Variants in SETD1B observed in about 807,000 individuals in gnomAD.
The protein encoded by SETD1B is SET domain containing 1B, histone lysine methyltransferase.
A neutral mutation model predicts 148.0 loss-of-function variants in SETD1B; 7 were observed. The ratio of observed to expected loss-of-function variants is 0.05; its 90% CI spans 0.03 to 0.09. The LOEUF is 0.09. SETD1B is among the 10% of genes least tolerant of loss of function. SETD1B has a pLI of 1.00. For missense variants in SETD1B, 2,155 were observed against 2,729.9 expected (o/e 0.79, Z 4.69); for synonymous variants, 1,361 against 1,186.5 (o/e 1.15, Z -3.02).
At position 121,810,466 on chromosome 12, in the gene SETD1B, G is replaced by A; in HGVS notation, c.1521G>A (p.Leu507=). 1 of 1,548,510 alleles carries A rather than the reference G, an allele frequency of 6.5e-7. No homozygotes were observed. The highest frequency in any genetic ancestry group is 8.7e-7 in the Non-Finnish European group (1 of 1,147,150). Residue 507 remains leucine, a synonymous_variant, in exon 6 of 17, where the codon CTG becomes CTA. Transcript: ENST00000604567. This position sits in a 1 kb window ranked among gnomAD's most constrained non-coding sequence, Gnocchi z 7.6. Reference sequence around the variant, plus strand: ...TGGACTCGCGCATCGAGATGCTGCTGAAGGAGCAGCGCACCAAGCTGCTCT... The same window carrying A: ...TGGACTCGCGCATCGAGATGCTGCTAAAGGAGCAGCGCACCAAGCTGCTCT... ...DSLDSRIEML[L]KEQRTKLLFL... is the part of the protein sequence containing the mutation.
upstream of SETD1B, chr12:121,799,533 A>C (rs865844152): frequency 6.6e-6 from 1 of 152,274 alleles, no homozygotes; most frequent in Middle Eastern, 3.1e-3. Context: ...TTTCAGAAGT[A>C]GGCGGCACCC....
upstream of SETD1B, chr12:121,799,464 C>CG: frequency 6.6e-6 from 1 of 152,344 alleles, no homozygotes; most frequent in Non-Finnish European, 1.5e-5. Flanking sequence ...ACATGCCCCA[C>CG]GGGGGCGGCT....
chr12:121,827,670 A>G lies in SETD1B; in HGVS notation c.5469+20A>G, dbSNP rs1381367610. ...CTCAAGGTGAGGCCGGGCTTCACCC[A>G]GATCGCCGGGGTGGCGGCAGGACCT... On this transcript the variant is annotated intron_variant, in intron 14 of 16. Transcript: ENST00000604567. 13 of 1,551,460 alleles carry G rather than the reference A, an allele frequency of 8.4e-6. No homozygotes were observed. The Admixed American group carries it at 2.5e-4, about 30-fold the overall frequency.
chr12:121,796,258 A>C, the SETD1B span: 1 of 152,684 alleles, frequency 6.5e-6, no homozygotes, highest in Non-Finnish European at 1.5e-5. Flanking sequence ...GAGTTTGAGA[A>C]AGCAAGAAAG....
rs886160677 is a variant in SETD1B at position 121,808,403 on chromosome 12, T to C, written c.657+83T>C. The C allele has an allele frequency of 1.7e-5, 15 of 881,296 alleles. No individual in the cohort carries two copies. The highest frequency in any genetic ancestry group is 2.5e-5 in the Non-Finnish European group (14 of 561,178). 54.6% of individuals were successfully genotyped at this position (881,296 alleles called of 1,614,324 possible). On this transcript the variant is annotated intron_variant, in intron 5 of 16. Transcript: ENST00000604567. This position sits in a 1 kb window ranked among gnomAD's most constrained non-coding sequence, Gnocchi z 5.3. Reference sequence around the variant, plus strand: ...CTGGAAAGCCTCACCAACTCTCTTATGGGACCCCCAGCCTACCCCCACCTC... The same window carrying C: ...CTGGAAAGCCTCACCAACTCTCTTACGGGACCCCCAGCCTACCCCCACCTC...
chr12:121,828,109 T>C (rs1476166380), intron 16 of SETD1B, 39 bp downstream of exon 16: 2 of 1,546,826 alleles, frequency 1.3e-6, no homozygotes, highest in Non-Finnish European at 8.7e-7. Context: ...CCCCTGCTCC[T>C]GCCCCTGGCC....
At chr12:121,801,628 A>T (rs945392942), upstream of SETD1B, 21 of 152,546 alleles carry the variant, frequency 1.4e-4, no homozygotes, top group African/African-American at 4.6e-4. Flanking sequence ...GGTTTTGGAG[A>T]CGTTATTGTA....
intron 16 of SETD1B, among the ~76,000 whole-genome samples, chr12:121,828,991 A>C (rs2137591888): frequency 6.6e-6 from 1 of 151,550 alleles, no homozygotes; most frequent in African/African-American, 2.4e-5. Flanking sequence ...GCCCAGGGGA[A>C]GCGGTGCTGG....
chr12:121,827,719 CT>C lies in SETD1B; in HGVS notation c.5470-15del, dbSNP rs781751831. The stretch of plus-strand genomic sequence containing the variant: ...CTGAGACCGGGGCTCACCTCTCCCC[CT>C]CTTCCCTCCCACAGTTCCGGAAGAA... On this transcript the variant is annotated splice_polypyrimidine_tract_variant and intron_variant, in intron 14 of 16. Coordinates refer to ENST00000604567, the MANE Select transcript of SETD1B (RefSeq NM_001353345.2). The C allele has an allele frequency of 5.2e-6, 8 of 1,551,732 alleles. No homozygotes were observed. The African/African-American group carries it at 6.8e-5, about 13-fold the overall frequency.
At chr12:121,793,090 C>A in the SETD1B span, 1 of 1,422,496 alleles carries the variant, frequency 7.0e-7, no homozygotes, top group Non-Finnish European at 9.7e-7. Context: ...GGGGGACGCC[C>A]GGGAGGGGAA....
At chr12:121,798,122 T>C in the SETD1B span, among the ~76,000 whole-genome samples, 5 of 152,302 alleles carry the variant, frequency 3.3e-5, no homozygotes, top group South Asian at 1.0e-3. Flanking sequence ...GGGGGTGCCA[T>C]GGGCACAGGC....
At chr12:121,800,825 CCCGCGGGCTCTCGGGGCCCGACCTGG>C (rs1282983078), upstream of SETD1B, 1 of 151,060 alleles carries the variant, frequency 6.6e-6, no homozygotes, top group Non-Finnish European at 1.5e-5. Flanking sequence ...AGCGCTGCGC[CCCGCGGGCTCTCGGGGCCCGACCTGG>C]CCGCGGGCCC....
At chr12:121,809,506 G>A in intron 5 of SETD1B, 97 bp from the exon 6 acceptor site, 1 of 1,310,238 alleles carries the variant, frequency 7.6e-7, no homozygotes, top group South Asian at 1.5e-5. Context: ...AGAGCAGTTT[G>A]GCTCTGAGCT....
At chr12:121,793,515 C>A in the SETD1B span, 1 of 1,543,330 alleles carries the variant, frequency 6.5e-7, no homozygotes, top group South Asian at 1.2e-5. Context: ...GGAGCCCTGG[C>A]TGTACACCAT....
chr12:121,797,716 C>G, the SETD1B span: 1 of 415,500 alleles, frequency 2.4e-6, no homozygotes, highest in African/African-American at 2.0e-5. Context: ...CGGAGAGCAA[C>G]GAAGACTCTA....
At chr12:121,828,737 T>C (rs997085740) in intron 16 of SETD1B, among the ~76,000 whole-genome samples, 2 of 152,218 alleles carry the variant, frequency 1.3e-5, no homozygotes, top group African/African-American at 2.4e-5. Flanking sequence ...CATTGCAGCT[T>C]AGTGAGTTAC....
chr12:121,826,858 G>A (rs1876865923), intron 13 of SETD1B, among the ~76,000 whole-genome samples: 2 of 152,048 alleles, frequency 1.3e-5, no homozygotes, highest in Admixed American at 6.6e-5. Context: ...GGCTGGGGTC[G>A]GGGGTGCTGG....
the SETD1B span, chr12:121,797,960 G>C: frequency 1.2e-5 from 3 of 251,074 alleles, no homozygotes; most frequent in South Asian, 3.9e-5. Flanking sequence ...GACCCAGCAC[G>C]GCTCATCGGG....
the SETD1B span, chr12:121,793,454 G>A: frequency 1.3e-6 from 2 of 1,536,010 alleles, no homozygotes; most frequent in African/African-American, 2.7e-5. Context: ...TCAGGGTAAG[G>A]GGCGTCCCTC....
Sources: allele counts gnomAD v4.1 joint callset (sites outside exome capture counted in the v4.1 genomes callset), GRCh38; gene constraint gnomAD v4.1.1; non-coding constraint Gnocchi (gnomAD v3.1); transcripts MANE v1.5; gene names NCBI Gene and HGNC (gene_info 2026-07-23, HGNC 2026-07-21).